The following KNOP1 variants were observed in gnomAD, a reference collection of about 807,000 sequenced individuals.
The protein encoded by KNOP1 is lysine-rich nucleolar protein 1.
Under a neutral mutation model 30.6 loss-of-function variants are expected in KNOP1, and 20 were observed. The observed-to-expected ratio is 0.65, with a 90% CI of 0.46 to 0.95. The LOEUF is 0.95. Among genes scored for constraint, KNOP1 ranks in the 40% least tolerant of loss-of-function variants. The probability of loss-of-function intolerance (pLI) is 0.00; values close to 1 mark genes in which losing one functional copy is unlikely to be tolerated. For synonymous variants in KNOP1, 204 were observed against 210.0 expected (o/e 0.97, Z 0.25); for missense variants, 540 against 562.0 (o/e 0.96, Z 0.40).
intron 4 of KNOP1, 42 bp from the exon 5 acceptor site, chr16:19,707,263 A>C (rs1976430441): frequency 5.1e-6 from 8 of 1,565,620 alleles, no homozygotes; most frequent in South Asian, 2.3e-5. Flanking sequence ...CTTGAGTTCA[A>C]AGCCCTTTCC....
intron 4 of KNOP1, among the ~76,000 whole-genome samples, chr16:19,708,443 C>A (rs1162565712): frequency 6.7e-6 from 1 of 149,698 alleles, no homozygotes; most frequent in South Asian, 2.2e-4. Flanking sequence ...AGTCCCCTAA[C>A]CTCTCTAAGC....
rs1249607517 is a variant in KNOP1 at position 19,705,089 on chromosome 16, G to C, written c.*1821C>G. The C allele has an allele frequency of 2.3e-6, 1 of 444,354 alleles. No homozygotes were observed. Among genetic ancestry groups the C allele is most frequent in the Admixed American group, 2.4e-5 (1 of 41,514 alleles). 27.5% of individuals were successfully genotyped at this position (444,354 alleles called of 1,614,324 possible). Reference sequence around the variant, plus strand: ...TGGAAGTTTCCTTGAGACACAAAAAGGCTTTTCTTCCTCTGGAATGTTCTA... The same window carrying C: ...TGGAAGTTTCCTTGAGACACAAAAACGCTTTTCTTCCTCTGGAATGTTCTA... On this transcript the variant is annotated 3_prime_UTR_variant, in exon 5 of 5. Transcript: ENST00000219837.
chr16:19,706,971 G>C lies in KNOP1; in HGVS notation c.1316C>G (p.Ala439Gly). 3.1e-6 allele frequency: 5 copies of C among 1,613,614 alleles called. No homozygotes were observed. Among genetic ancestry groups the C allele is most frequent in the Non-Finnish European group, 4.2e-6 (5 of 1,180,032 alleles). Reference protein sequence around the residue: ...SRGAGLGFSTAPNKIFYIDRN... With the variant: ...SRGAGLGFSTGPNKIFYIDRN... ...GTCAATGTAAAAGATCTTGTTGGGG[G>C]CGGTGGAGAAGCCGAGGCCGGCTCC... is the stretch of plus-strand genomic sequence containing the variant. The change falls in exon 5 of 5, where the codon GCC (alanine) becomes GGC (glycine). Residue 439 changes from alanine (A) to glycine (G), a missense_variant. Coordinates refer to ENST00000219837, the MANE Select transcript of KNOP1 (RefSeq NM_001012991.3).
intron 3 of KNOP1, 79 bp downstream of exon 3, chr16:19,711,293 C>T: frequency 1.7e-5 from 25 of 1,454,478 alleles, no homozygotes; most frequent in Non-Finnish European, 2.3e-5. Flanking sequence ...GATCACCTAG[C>T]CAGCCTGGCA....
intron 1 of KNOP1, among the ~76,000 whole-genome samples, chr16:19,717,032 G>A (rs1977158312): frequency 6.6e-6 from 1 of 151,510 alleles, no homozygotes; most frequent in South Asian, 2.1e-4. Flanking sequence ...TAGTAGGGAC[G>A]GGGTTTTACT....
In KNOP1 at chr16:19,714,595, C is replaced by T; in HGVS notation, c.441G>A (p.Lys147=). The change falls in exon 2 of 5, where the codon AAG becomes AAA. Residue 147 remains lysine, a synonymous_variant. Coordinates refer to ENST00000219837, the MANE Select transcript of KNOP1 (RefSeq NM_001012991.3). ...TTTTTTCCTTCTTGTGTTTTTTGAG[C>T]TTCTTGCCAACTCTGGTTTCCTCCT... ...QGEEETRVGK[K]LKKHKKEKKG... is the part of the protein sequence containing the mutation. The T allele has an allele frequency of 6.2e-7, 1 of 1,614,010 alleles. No individual in the cohort carries two copies. Among genetic ancestry groups the T allele is most frequent in the Non-Finnish European group, 8.5e-7 (1 of 1,180,002 alleles).
At chr16:19,710,270 G>A (rs1247204402) in intron 4 of KNOP1, 1 of 585,830 alleles carries the variant, frequency 1.7e-6, no homozygotes, top group Non-Finnish European at 3.1e-6. Context: ...TGAGACAAAG[G>A]TTCAGGCAGC....
rs1326568209 is a variant in KNOP1 at position 19,705,521 on chromosome 16, A to G, written c.*1389T>C. 1.0e-5 allele frequency: 3 copies of G among 289,816 alleles called. No homozygotes were observed. Among genetic ancestry groups the G allele is most frequent in the East Asian group, 9.8e-5 (1 of 10,160 alleles). The allele number at this position is 289,816 out of a possible 1,614,324, so 18.0% of individuals were successfully genotyped here. ...CTTCCCGTGTCATCTCCACACGTTC[A>G]TCTCCTCCTGGCATTCAATATCCAC... On this transcript the variant is annotated 3_prime_UTR_variant, in exon 5 of 5. Transcript: ENST00000219837.
chr16:19,714,526 C>A lies in KNOP1; in HGVS notation c.510G>T (p.Trp170Cys). 1 of 1,614,128 alleles carries A rather than the reference C, an allele frequency of 6.2e-7. No homozygotes were observed. Among genetic ancestry groups the A allele is most frequent in the South Asian group, 1.1e-5 (1 of 91,082 alleles). The change falls in exon 2 of 5, where the codon TGG becomes TGT. Residue 170 changes from tryptophan to cysteine, a missense_variant. By Grantham distance (215) the Trp-to-Cys change is radical. Coordinates refer to ENST00000219837, the MANE Select transcript of KNOP1 (RefSeq NM_001012991.3). Reference sequence around the variant, plus strand: ...CCCTGGCCTCCCTGGCCTCACAGAACCAAGGGTCCTGGACCGAGAAGGCTG... The same window carrying A: ...CCCTGGCCTCCCTGGCCTCACAGAAACAAGGGTCCTGGACCGAGAAGGCTG... Reference protein sequence around the residue: ...DPTAFSVQDPWFCEAREARDV... With the variant: ...DPTAFSVQDPCFCEAREARDV...
At chr16:19,710,996 A>ACAGAAGC (rs1302869596) in intron 3 of KNOP1, among the ~76,000 whole-genome samples, 1 of 151,994 alleles carries the variant, frequency 6.6e-6, no homozygotes, top group African/African-American at 2.4e-5. Context: ...TATGGGAACG[A>ACAGAAGC]CAGAAGCGGA....
At position 19,703,924 on chromosome 16, in the gene KNOP1, G is replaced by T. The variant is rs1391658402; in HGVS notation, c.*2986C>A. On this transcript the variant is annotated 3_prime_UTR_variant, in exon 5 of 5. Transcript: ENST00000219837. ...CAAATGGAACTCCTAAGCCAGTGGT[G>T]ATGTTGAGTTAGAAAGTCACAGCCT... The T allele has an allele frequency of 1.3e-5, 2 of 152,168 alleles. No individual in the cohort carries two copies. Among genetic ancestry groups the T allele is most frequent in the Non-Finnish European group, 2.9e-5 (2 of 68,050 alleles). 9.4% of individuals were successfully genotyped at this position (152,168 alleles called of 1,614,324 possible). A position where few individuals can be genotyped will look rare whatever the true frequency, so the allele number is the denominator to read the frequency against.
rs1976290740 is a variant in KNOP1, at chr16:19,704,672, C to A, written c.*2238G>T. The A allele has an allele frequency of 6.5e-6, 1 of 154,086 alleles. No homozygotes were observed. Among genetic ancestry groups the A allele is most frequent in the Non-Finnish European group, 1.4e-5 (1 of 69,340 alleles). 9.5% of individuals were successfully genotyped at this position (154,086 alleles called of 1,614,324 possible). A position where few individuals can be genotyped will look rare whatever the true frequency, so the allele number is the denominator to read the frequency against. On this transcript the variant is annotated 3_prime_UTR_variant, in exon 5 of 5. Transcript: ENST00000219837. ...GCTCAAGGTCAGGAGGGATTTGTTT[C>A]TCCATCAAAGGAGGAGGTGCCCAGA...
intron 1 of KNOP1, among the ~76,000 whole-genome samples, chr16:19,715,668 G>A (rs895455887): frequency 6.6e-6 from 1 of 151,872 alleles, no homozygotes; most frequent in Non-Finnish European, 1.5e-5. Flanking sequence ...TGATCCGCCC[G>A]CCTCAGCCTC....
chr16:19,706,888 T>TTG lies in KNOP1; in HGVS notation c.*21_*22insCA. 6.2e-7 allele frequency: 1 copy of TTG among 1,606,488 alleles called. No homozygotes were observed. Among genetic ancestry groups the TTG allele is most frequent in the Non-Finnish European group, 8.5e-7 (1 of 1,178,144 alleles). ...ATAATCAAAGCAATTGTGGCAGTTT[T>TTG]GGGGGGACAAAACTCTAGAGTTTAA... is the stretch of plus-strand genomic sequence containing the variant. On this transcript the variant is annotated 3_prime_UTR_variant, in exon 5 of 5. Transcript: ENST00000219837.
chr16:19,718,031 C>T, intron 1 of KNOP1, 127 bp downstream of exon 1: 2 of 1,383,014 alleles, frequency 1.4e-6, no homozygotes, highest in South Asian at 1.5e-5. Context: ...CGGGCGCACA[C>T]CGACTGGAGG....
chr16:19,712,382 C>A (rs1390538926), intron 2 of KNOP1, among the ~76,000 whole-genome samples: 2 of 152,176 alleles, frequency 1.3e-5, no homozygotes, highest in African/African-American at 4.8e-5. Flanking sequence ...GGTCACCCAG[C>A]AGATTGGTGC....
intron 1 of KNOP1, 159 bp from the exon 2 acceptor site, chr16:19,715,196 C>G (rs1976965799): frequency 1.9e-6 from 1 of 530,124 alleles, no homozygotes; most frequent in East Asian, 3.1e-5. Context: ...AGAAATACTA[C>G]AGAAACAGCG....
At position 19,704,570 on chromosome 16, in the gene KNOP1, G is replaced by T. The variant is rs746060969; in HGVS notation, c.*2340C>A. The stretch of plus-strand genomic sequence containing the variant: ...CACGCCACCACACTCCAGCCTGCGC[G>T]ACCGTGAGACTCCATCTCAAAAAAA... On this transcript the variant is annotated 3_prime_UTR_variant, in exon 5 of 5. Coordinates refer to ENST00000219837, the MANE Select transcript of KNOP1 (RefSeq NM_001012991.3). 1 of 152,320 alleles carries T rather than the reference G, an allele frequency of 6.6e-6. No homozygotes were observed. 9.4% of individuals were successfully genotyped at this position (152,320 alleles called of 1,614,324 possible). A position where few individuals can be genotyped will look rare whatever the true frequency, so the allele number is the denominator to read the frequency against.
chr16:19,714,049 C>T, intron 2 of KNOP1, 69 bp downstream of exon 2: 1 of 1,385,340 alleles, frequency 7.2e-7, no homozygotes, highest in Non-Finnish European at 9.9e-7. Flanking sequence ...GCACACACGC[C>T]TACACACCCC....
Sources: allele counts gnomAD v4.1 joint callset (sites outside exome capture counted in the v4.1 genomes callset), GRCh38; gene constraint gnomAD v4.1.1; transcripts MANE v1.5; gene names NCBI Gene and HGNC (gene_info 2026-07-23, HGNC 2026-07-21).